Variants in TEX36 observed in about 807,000 individuals in gnomAD.
The protein encoded by TEX36 is testis-expressed protein 36.
TEX36 carries 12 observed loss-of-function variants against 13.6 expected under a neutral mutation model. That is an observed-to-expected ratio of 0.88 (90% CI 0.56 to 1.43). The LOEUF (loss-of-function observed/expected upper bound fraction) is 1.43. TEX36 is among the 40% of genes most tolerant of loss of function. TEX36 has a pLI of 0.00. For missense variants in TEX36, 224 were observed against 228.3 expected, an observed-to-expected ratio of 0.98 and a Z score of 0.12; for synonymous variants, 93 against 83.0, an observed-to-expected ratio of 1.12 and a Z score of -0.65.
intron 3 of TEX36, among the ~76,000 whole-genome samples, chr10:125,603,005 A>T (rs1178404950): frequency 6.6e-6 from 1 of 151,920 alleles, no homozygotes; most frequent in Non-Finnish European, 1.5e-5. Flanking sequence ...ACCCAGCTGG[A>T]CCCCGCCCAC....
At chr10:125,618,242 G>A (rs554814163), downstream of TEX36, among the ~76,000 whole-genome samples, 1,837 of 151,358 alleles carry the variant, frequency 0.012, 19 homozygotes, top group South Asian at 0.045. Flanking sequence ...ATTTCCTCCC[G>A]TAGCTCGGAG....
chr10:125,610,366 C>T (rs1048659586), intron 3 of TEX36, among the ~76,000 whole-genome samples: 2 of 152,132 alleles, frequency 1.3e-5, no homozygotes, highest in African/African-American at 4.8e-5. Context: ...AGGCTGAACC[C>T]CAATTTGGGG....
intron 3 of TEX36, among the ~76,000 whole-genome samples, chr10:125,594,422 G>A (rs1173762896): frequency 6.6e-6 from 1 of 152,196 alleles, no homozygotes; most frequent in Non-Finnish European, 1.5e-5. Context: ...GATGAAAAGT[G>A]TATGCTTGAG....
chr10:125,586,362 T>C (rs1203280069), intron 3 of TEX36, among the ~76,000 whole-genome samples: 5 of 152,210 alleles, frequency 3.3e-5, no homozygotes, highest in African/African-American at 9.6e-5. Context: ...TGTATCTTCA[T>C]ATATCTTGTA....
intron 1 of TEX36, among the ~76,000 whole-genome samples, chr10:125,675,305 T>C (rs1847294176): frequency 6.6e-6 from 1 of 152,104 alleles, no homozygotes; most frequent in South Asian, 2.1e-4. Flanking sequence ...GCTACAGCAA[T>C]GGTGGCCACT....
At chr10:125,643,066 C>A (rs1421719094) in intron 3 of TEX36, among the ~76,000 whole-genome samples, 1 of 152,162 alleles carries the variant, frequency 6.6e-6, no homozygotes, top group African/African-American at 2.4e-5. Context: ...CGAGGTTATT[C>A]ATAGAGGTTC....
At chr10:125,658,156 A>C (rs79207194) in intron 3 of TEX36, among the ~76,000 whole-genome samples, 4,011 of 152,282 alleles carry the variant, frequency 0.026, 188 homozygotes, top group African/African-American at 0.091. Context: ...CTGCTGCATT[A>C]TATTTATAAT....
chr10:125,582,979 C>T (rs7096815), intron 3 of TEX36, among the ~76,000 whole-genome samples: 1 of 151,996 alleles, frequency 6.6e-6, no homozygotes, highest in Non-Finnish European at 1.5e-5. Flanking sequence ...AAGAACAACA[C>T]TGAGTCATGT....
intron 3 of TEX36, among the ~76,000 whole-genome samples, chr10:125,645,503 C>G (rs982068826): frequency 1.3e-5 from 2 of 152,144 alleles, no homozygotes; most frequent in Non-Finnish European, 2.9e-5. Context: ...TCCTCACTAG[C>G]AAGAAGGCCC....
intron 1 of TEX36, chr10:125,666,903 G>T: frequency 2.1e-6 from 1 of 466,098 alleles, no homozygotes; most frequent in Admixed American, 3.1e-5. Flanking sequence ...GATGAAGAGG[G>T]ACTCTCTAGC....
At chr10:125,597,622 T>G (rs1373260072) in intron 3 of TEX36, among the ~76,000 whole-genome samples, 2 of 152,150 alleles carry the variant, frequency 1.3e-5, no homozygotes, top group African/African-American at 4.8e-5. Flanking sequence ...GATTCTTTGA[T>G]TTGCAATTGG....
intron 1 of TEX36, among the ~76,000 whole-genome samples, chr10:125,665,823 G>T (rs923494879): frequency 6.6e-6 from 1 of 152,060 alleles, no homozygotes; most frequent in South Asian, 2.1e-4. Context: ...GATGTATTCC[G>T]ACGCAGGAGC....
At chr10:125,609,311 T>G (rs1376332973) in intron 3 of TEX36, among the ~76,000 whole-genome samples, 1 of 152,204 alleles carries the variant, frequency 6.6e-6, no homozygotes, top group Non-Finnish European at 1.5e-5. Context: ...GGAATCACAT[T>G]ATGGTTTTAA....
At chr10:125,631,701 T>G (rs1846556610) in intron 3 of TEX36, among the ~76,000 whole-genome samples, 1 of 152,164 alleles carries the variant, frequency 6.6e-6, no homozygotes, top group East Asian at 1.9e-4. Context: ...GGGAGAAGCA[T>G]TCTAGGTACA....
chr10:125,679,502 T>C (rs545956544), intron 1 of TEX36, among the ~76,000 whole-genome samples: 1 of 152,122 alleles, frequency 6.6e-6, no homozygotes, highest in South Asian at 2.1e-4. Context: ...GGAGACTCTC[T>C]CTGTTAGTTT....
chr10:125,592,204 T>C (rs377393498), intron 3 of TEX36, among the ~76,000 whole-genome samples: 32 of 152,190 alleles, frequency 2.1e-4, no homozygotes, highest in African/African-American at 7.7e-4. Context: ...ACCCTCCCGC[T>C]GGGAGAAAAC....
At chr10:125,596,092 A>G (rs1311084101) in intron 3 of TEX36, among the ~76,000 whole-genome samples, 1 of 152,264 alleles carries the variant, frequency 6.6e-6, no homozygotes, top group Non-Finnish European at 1.5e-5. Context: ...ATTTAACCTC[A>G]GGAATGCAAG....
At chr10:125,586,297 C>T (rs1315252596) in intron 3 of TEX36, among the ~76,000 whole-genome samples, 1 of 151,986 alleles carries the variant, frequency 6.6e-6, no homozygotes, top group Non-Finnish European at 1.5e-5. Context: ...GTGTAAATGC[C>T]TAGAAGTAAA....
intron 3 of TEX36, among the ~76,000 whole-genome samples, chr10:125,629,667 T>A (rs1436480830): frequency 2.0e-5 from 3 of 152,222 alleles, no homozygotes; most frequent in African/African-American, 7.2e-5. Context: ...TTATAATAAA[T>A]ACAAATATGG....
Sources: allele counts gnomAD v4.1 joint callset (sites outside exome capture counted in the v4.1 genomes callset), GRCh38; gene constraint gnomAD v4.1.1; transcripts MANE v1.5; gene names NCBI Gene and HGNC (gene_info 2026-07-23, HGNC 2026-07-21).